WDPCP: variants seen among roughly 807,000 people sequenced by gnomAD.
WDPCP encodes the protein WD repeat containing planar cell polarity effector.
In WDPCP, 71 loss-of-function variants were observed where a neutral mutation model predicts 93.1. That is an observed-to-expected ratio of 0.76 (90% CI 0.63 to 0.93). The LOEUF (loss-of-function observed/expected upper bound fraction) is 0.93, where lower values mean the gene tolerates loss of function less well. WDPCP is among the 40% of genes least tolerant of loss of function. WDPCP has a pLI of 0.00. For missense variants in WDPCP, 844 were observed against 887.4 expected (o/e 0.95, Z 0.62); for synonymous variants, 315 against 315.0 (o/e 1.00, Z 0.00).
chr2:63,276,380 T>A (rs775188394), intron 13 of WDPCP, among the ~76,000 whole-genome samples: 4 of 152,062 alleles, frequency 2.6e-5, no homozygotes, highest in Non-Finnish European at 4.4e-5. Context: ...CAAGATTAAA[T>A]CTGAATTGCC....
chr2:63,294,182 G>A lies in WDPCP; in HGVS notation c.1812+19066C>T, dbSNP rs904739292. Among the ~76,000 whole-genome samples, 85 of 152,196 alleles carry A rather than the reference G, an allele frequency of 5.6e-4. 5 individuals carry two copies. The highest frequency in any genetic ancestry group is 2.6e-4 in the Admixed American group (4 of 15,286). On this transcript the variant is annotated intron_variant, in intron 13 of 17. Coordinates refer to ENST00000272321, the MANE Select transcript of WDPCP (RefSeq NM_015910.7). Reference sequence around the variant, plus strand: ...CAGTAGATTTCCCATCAAAGGCTTTGGAGGTAAGAAAGCACTGGGCTGATA... The same window carrying A: ...CAGTAGATTTCCCATCAAAGGCTTTAGAGGTAAGAAAGCACTGGGCTGATA...
chr2:63,767,179 A>T (rs1311104497), intron 2 of WDPCP, among the ~76,000 whole-genome samples: 1 of 152,134 alleles, frequency 6.6e-6, no homozygotes, highest in African/African-American at 2.4e-5. Flanking sequence ...TGTATCAATA[A>T]TTTATTCCTT....
the WDPCP span, among the ~76,000 whole-genome samples, chr2:63,837,298 G>A: frequency 6.6e-6 from 1 of 152,178 alleles, no homozygotes; most frequent in Non-Finnish European, 1.5e-5. Context: ...TTTTACTCAA[G>A]TGAAATGCCC....
Position 63,438,775 on chromosome 2 carries a change from A to G in WDPCP, c.499+982T>C, listed in dbSNP as rs1697309593. Among the ~76,000 whole-genome samples, 3 of 152,244 alleles carry G rather than the reference A, an allele frequency of 2.0e-5. No homozygotes were observed. In the South Asian group the frequency reaches 6.2e-4, roughly 32 times the overall value. On this transcript the variant is annotated intron_variant, in intron 7 of 17. Coordinates refer to ENST00000272321, the MANE Select transcript of WDPCP (RefSeq NM_015910.7). Reference sequence around the variant, plus strand: ...TCAGAGGTAGCTAGTGAGAGAACACAGCAGACGGAAGATTTCTTTATTCTC... The same window carrying G: ...TCAGAGGTAGCTAGTGAGAGAACACGGCAGACGGAAGATTTCTTTATTCTC...
intron 9 of WDPCP, among the ~76,000 whole-genome samples, chr2:63,413,765 C>A (rs758376997): frequency 9.9e-5 from 15 of 151,648 alleles, no homozygotes; most frequent in Non-Finnish European, 1.6e-4. Context: ...GCCTGGGCTA[C>A]AGAGTGAGAC....
At chr2:63,668,678 C>T (rs1392916660) in intron 2 of WDPCP, among the ~76,000 whole-genome samples, 2 of 152,210 alleles carry the variant, frequency 1.3e-5, no homozygotes, top group South Asian at 2.1e-4. Context: ...ATTTATCACC[C>T]ACACTACTCC....
Position 63,404,098 on chromosome 2 carries a change from A to T in WDPCP, c.1385T>A (p.Leu462His). Reference protein sequence around the residue: ...KGEGSDIYDLLFLRFERGPLG... With the variant: ...KGEGSDIYDLHFLRFERGPLG... Reference sequence around the variant, plus strand: ...AGGTCCTCTTTCAAACCTGAGGAAGAGGAGATCATAGATATCACTACCTTC... The same window carrying T: ...AGGTCCTCTTTCAAACCTGAGGAAGTGGAGATCATAGATATCACTACCTTC... The change falls in exon 10 of 18, where the codon CTC (leucine) becomes CAC (histidine). Residue 462 changes from leucine to histidine, a missense_variant. Leu to His is a moderately conservative substitution (Grantham distance 99). Transcript: ENST00000272321. 1 of 1,614,156 alleles carries T rather than the reference A, an allele frequency of 6.2e-7. No individual in the cohort carries two copies. Among genetic ancestry groups the T allele is most frequent in the East Asian group, 2.2e-5 (1 of 44,884 alleles).
chr2:63,774,217 A>G (rs1327863531), intron 2 of WDPCP, among the ~76,000 whole-genome samples: 3 of 152,152 alleles, frequency 2.0e-5, no homozygotes, highest in African/African-American at 7.2e-5. Flanking sequence ...ATAAAATCTA[A>G]TAACAAAAGT....
At chr2:63,344,398 T>C (rs1457073549) in intron 12 of WDPCP, among the ~76,000 whole-genome samples, 4 of 152,234 alleles carry the variant, frequency 2.6e-5, no homozygotes, top group Non-Finnish European at 5.9e-5. Context: ...CCAGGCTGCC[T>C]GACATTCTGC....
chr2:63,620,715 T>TGCCTCCTGACTGGGAGAC (rs1406790300), intron 3 of WDPCP, among the ~76,000 whole-genome samples: 25 of 152,326 alleles, frequency 1.6e-4, no homozygotes, highest in African/African-American at 6.0e-4. Context: ...CTGAACCCCC[T>TGCCTCCTGACTGGGAGAC]GCCTCCTGAC....
At chr2:63,577,161 A>T (rs977480355) in intron 1 of WDPCP, among the ~76,000 whole-genome samples, 1 of 152,198 alleles carries the variant, frequency 6.6e-6, no homozygotes, top group Non-Finnish European at 1.5e-5. Context: ...TTCCAAAGTG[A>T]TATTTCCTGA....
At position 63,594,358 on chromosome 2, in the gene WDPCP, A is replaced by G. The variant is rs1709261351; in HGVS notation, n.488+56301T>C. The G allele has an allele frequency of 1.1e-5, 9 of 783,118 alleles. No homozygotes were observed. In the South Asian group the frequency reaches 1.2e-4, roughly 11 times the overall value. The allele number at this position is 783,118 out of a possible 1,614,324, so 48.5% of individuals were successfully genotyped here. On this transcript the variant is annotated intron_variant and non_coding_transcript_variant, in intron 3 of 4. Coordinates refer to the WDPCP transcript ENST00000467687. ...CAGCACATTCATTTTCTACTGAGCC[A>G]GATGCAAAAGGACTTTAAAATTTTA...
At chr2:63,475,366 G>C (rs2105848539) in intron 6 of WDPCP, among the ~76,000 whole-genome samples, 2 of 152,096 alleles carry the variant, frequency 1.3e-5, no homozygotes, top group South Asian at 4.2e-4. Flanking sequence ...GCTATGTCCA[G>C]TCTCCTTTAT....
At chr2:63,722,820 A>G (rs761620156) in intron 2 of WDPCP, among the ~76,000 whole-genome samples, 1,649 of 150,640 alleles carry the variant, frequency 0.011, 11 homozygotes, top group African/African-American at 0.013. Flanking sequence ...CAGGATGACA[A>G]TGGCGGCTTT....
chr2:63,546,091 G>C (rs1447501993), intron 1 of WDPCP, among the ~76,000 whole-genome samples: 1 of 152,104 alleles, frequency 6.6e-6, no homozygotes, highest in East Asian at 1.9e-4. Context: ...AATATTGTGG[G>C]ATACTATATT....
the WDPCP span, among the ~76,000 whole-genome samples, chr2:63,840,642 G>C: frequency 6.6e-6 from 1 of 152,246 alleles, no homozygotes; most frequent in African/African-American, 2.4e-5. Context: ...AGCTGCGGTG[G>C]GGAGCTCCGG....
chr2:63,353,292 A>T (rs548576257), intron 12 of WDPCP, among the ~76,000 whole-genome samples: 1 of 152,280 alleles, frequency 6.6e-6, no homozygotes, highest in South Asian at 2.1e-4. Flanking sequence ...TTCTGGCAAA[A>T]GTAGCTGCGG....
At chr2:63,541,676 A>C (rs771112209) in intron 1 of WDPCP, among the ~76,000 whole-genome samples, 1 of 152,176 alleles carries the variant, frequency 6.6e-6, no homozygotes, top group Non-Finnish European at 1.5e-5. Context: ...GTTAAAGGTA[A>C]GGCGATAAGA....
chr2:63,159,725 A>AT (rs796930998), intron 15 of WDPCP, among the ~76,000 whole-genome samples: 83 of 152,282 alleles, frequency 5.5e-4, no homozygotes, highest in African/African-American at 1.8e-3. Context: ...CTATTTGGTG[A>AT]TATCTGCAGT....
Sources: gnomAD v4.1 joint callset for allele counts (sites outside exome capture counted in the v4.1 genomes callset) on GRCh38, gnomAD v4.1.1 for gene constraint, MANE v1.5 for transcripts, NCBI Gene and HGNC (gene_info 2026-07-23, HGNC 2026-07-21) for gene names.